The following FNIP1 variants were observed in gnomAD, a reference collection of about 807,000 sequenced individuals.
FNIP1 encodes the protein folliculin interacting protein 1.
FNIP1 carries 40 observed loss-of-function variants against 124.5 expected under a neutral mutation model. The ratio of observed to expected loss-of-function variants is 0.32; its 90% CI spans 0.25 to 0.42. FNIP1 has a LOEUF of 0.42. Among genes scored for constraint, FNIP1 ranks in the 10% least tolerant of loss-of-function variants. The pLI, the probability that FNIP1 is intolerant of heterozygous loss-of-function variation, is 1.00. For synonymous variants in FNIP1, 472 were observed against 470.6 expected (o/e 1.00, Z -0.04); for missense variants, 1,176 against 1,403.7 (o/e 0.84, Z 2.59).
At chr5:131,744,353 C>A (rs887587245) in intron 2 of FNIP1, among the ~76,000 whole-genome samples, 5 of 152,116 alleles carry the variant, frequency 3.3e-5, no homozygotes, top group Non-Finnish European at 5.9e-5. Flanking sequence ...CAACTGTCTG[C>A]TTGACTGTCT....
chr5:131,645,038 A>T (rs1479901449), intron 17 of FNIP1, among the ~76,000 whole-genome samples: 5 of 152,184 alleles, frequency 3.3e-5, no homozygotes, highest in African/African-American at 4.8e-5. Context: ...GTGTAATAAT[A>T]GCTGGGTGAG....
At chr5:131,762,181 A>G (rs1771252811) in intron 1 of FNIP1, among the ~76,000 whole-genome samples, 1 of 152,200 alleles carries the variant, frequency 6.6e-6, no homozygotes, top group African/African-American at 2.4e-5. Context: ...AGAACTCTCC[A>G]GGATATTGAA....
chr5:131,732,735 T>C (rs183249234), intron 2 of FNIP1, among the ~76,000 whole-genome samples: 2 of 152,346 alleles, frequency 1.3e-5, no homozygotes, highest in Admixed American at 1.3e-4. Context: ...ACTGTAGCCT[T>C]ATAGTATAGT....
chr5:131,729,656 C>T (rs921512661), intron 3 of FNIP1, among the ~76,000 whole-genome samples: 3 of 152,212 alleles, frequency 2.0e-5, no homozygotes, highest in African/African-American at 7.2e-5. Context: ...TAACTCACCA[C>T]ATCCTAGAAC....
At chr5:131,677,453 G>C (rs1767943413) in intron 13 of FNIP1, 1 of 384,352 alleles carries the variant, frequency 2.6e-6, no homozygotes, top group South Asian at 5.4e-5. Flanking sequence ...CTGAAGATCT[G>C]AAGTTACTAG....
chr5:131,739,462 G>T (rs1318676308), intron 2 of FNIP1, among the ~76,000 whole-genome samples: 2 of 152,128 alleles, frequency 1.3e-5, no homozygotes, highest in African/African-American at 2.4e-5. Flanking sequence ...AACGTATTTG[G>T]ATGTATTTCT....
intron 1 of FNIP1, among the ~76,000 whole-genome samples, chr5:131,761,988 C>T (rs988773787): frequency 2.0e-5 from 3 of 152,084 alleles, no homozygotes; most frequent in African/African-American, 7.2e-5. Flanking sequence ...ACAAAGCTGC[C>T]AAGAACATAC....
intron 3 of FNIP1, among the ~76,000 whole-genome samples, chr5:131,729,196 C>T: frequency 6.6e-6 from 1 of 152,162 alleles, no homozygotes; most frequent in East Asian, 1.9e-4. Flanking sequence ...CTGTCCCTTA[C>T]CAGAGCTTGA....
Position 131,679,147 on chromosome 5 carries a change from G to T in FNIP1, c.1231C>A (p.Pro411Thr). ...RTTICNLYTM[P>T]RIGEPVWLTM... Reference sequence around the variant, plus strand: ...AGCCAGACAGGTTCTCCAATTCGTGGCATCGTGTAAAGATTACAAATTGTT... The same window carrying T: ...AGCCAGACAGGTTCTCCAATTCGTGTCATCGTGTAAAGATTACAAATTGTT... The change falls in exon 12 of 18, where the codon CCA (proline) becomes ACA (threonine). Residue 411 changes from proline to threonine, a missense_variant. This residue lies in a region of FNIP1 where 1,109 missense variants were observed against 1,288.5 expected (regional missense o/e 0.86). Transcript: ENST00000510461. 6.3e-7 allele frequency: 1 copy of T among 1,595,140 alleles called. No individual in the cohort carries two copies. The highest frequency in any genetic ancestry group is 8.6e-7 in the Non-Finnish European group (1 of 1,163,688).
At chr5:131,732,065 T>C (rs968212051) in intron 2 of FNIP1, among the ~76,000 whole-genome samples, 2 of 152,186 alleles carry the variant, frequency 1.3e-5, no homozygotes, top group East Asian at 1.9e-4. Flanking sequence ...CCTCTTTCTC[T>C]TTTTCCTCCC....
At chr5:131,685,606 G>A (rs546133256) in intron 11 of FNIP1, among the ~76,000 whole-genome samples, 23 of 151,938 alleles carry the variant, frequency 1.5e-4, no homozygotes, top group South Asian at 1.2e-3. Context: ...ACAGGCAGCC[G>A]CCACTATCCA....
chr5:131,763,851 G>A (rs1487517413), intron 1 of FNIP1, among the ~76,000 whole-genome samples: 1 of 152,076 alleles, frequency 6.6e-6, no homozygotes, highest in Non-Finnish European at 1.5e-5. Flanking sequence ...CCTGTTATCA[G>A]TAATTCCTAA....
At chr5:131,751,909 C>T (rs377472572) in intron 1 of FNIP1, among the ~76,000 whole-genome samples, 4 of 152,100 alleles carry the variant, frequency 2.6e-5, no homozygotes, top group Non-Finnish European at 5.9e-5. Flanking sequence ...GTAAATATAC[C>T]ACAAACAAAA....
Position 131,672,817 on chromosome 5 carries a change from T to A in FNIP1, c.1627A>T (p.Ile543Leu). ...QRLLYFLTYF[I>L]RCSELQETHL... Reference sequence around the variant, plus strand: ...GTTTCTTGAAGTTCAGAGCATCTTATAAAATAAGTAAGAAAATAAAGTAGC... The same window carrying A: ...GTTTCTTGAAGTTCAGAGCATCTTAAAAAATAAGTAAGAAAATAAAGTAGC... Residue 543 changes from isoleucine to leucine, a missense_variant, in exon 14 of 18, where the codon ATA becomes TTA. Ile to Leu is a conservative substitution (Grantham distance 5). Around this residue, in one of 2 missense-constraint regions of FNIP1, gnomAD observed 1,109 missense variants for 1,288.5 expected, o/e 0.86. Coordinates refer to ENST00000510461, the MANE Select transcript of FNIP1 (RefSeq NM_133372.3). 2 of 1,613,218 alleles carry A rather than the reference T, an allele frequency of 1.2e-6. No homozygotes were observed. The highest frequency in any genetic ancestry group is 1.7e-6 in the Non-Finnish European group (2 of 1,179,764).
intron 1 of FNIP1, among the ~76,000 whole-genome samples, chr5:131,775,068 G>C (rs949093317): frequency 6.6e-6 from 1 of 152,196 alleles, no homozygotes; most frequent in Non-Finnish European, 1.5e-5. Context: ...CAGTTTCTCC[G>C]AAGTTGCTAG....
At chr5:131,678,109 G>C (rs1474179687) in intron 12 of FNIP1, among the ~76,000 whole-genome samples, 1 of 152,148 alleles carries the variant, frequency 6.6e-6, no homozygotes, top group Non-Finnish European at 1.5e-5. Context: ...ATTCATAAGA[G>C]CTATTGCAGA....
intron 2 of FNIP1, among the ~76,000 whole-genome samples, chr5:131,739,440 C>T (rs1042630137): frequency 3.3e-5 from 5 of 152,158 alleles, no homozygotes; most frequent in African/African-American, 1.2e-4. Flanking sequence ...TAATCATATA[C>T]CAAAATTCCT....
chr5:131,645,006 A>G (rs981165927), intron 17 of FNIP1, among the ~76,000 whole-genome samples: 1 of 152,188 alleles, frequency 6.6e-6, no homozygotes, highest in African/African-American at 2.4e-5. Context: ...GGCATGGCAC[A>G]ATGACTAACA....
At chr5:131,689,388 T>C (rs1217349127) in intron 11 of FNIP1, among the ~76,000 whole-genome samples, 1 of 152,104 alleles carries the variant, frequency 6.6e-6, no homozygotes, top group Non-Finnish European at 1.5e-5. Context: ...AAGTAATAAA[T>C]GTAAAATAAA....
Sources: gnomAD v4.1 joint callset for allele counts (sites outside exome capture counted in the v4.1 genomes callset) on GRCh38, gnomAD v4.1.1 for gene constraint, gnomAD v4.1.1 regional missense constraint, MANE v1.5 for transcripts, NCBI Gene and HGNC (gene_info 2026-07-23, HGNC 2026-07-21) for gene names.